THRB: variants seen among roughly 807,000 people sequenced by gnomAD.
THRB encodes thyroid hormone receptor beta.
In THRB, 12 loss-of-function variants were observed where a neutral mutation model predicts 47.8. The observed-to-expected ratio is 0.25, with a 90% CI of 0.16 to 0.41. The LOEUF is 0.41. Ranked by LOEUF, THRB falls within the 10% of genes least tolerant of loss-of-function variation. THRB has a pLI of 1.00. For synonymous variants in THRB, 218 were observed against 212.2 expected (o/e 1.03, Z -0.24); for missense variants, 348 against 589.2 (o/e 0.59, Z 4.24).
At chr3:24,196,430 C>A (rs2043961947) in intron 4 of THRB, among the ~76,000 whole-genome samples, 1 of 152,094 alleles carries the variant, frequency 6.6e-6, no homozygotes, top group Non-Finnish European at 1.5e-5. Flanking sequence ...GTTTTGATGA[C>A]CAAATAGGTT....
At chr3:24,176,580 C>T (rs2041185143) in intron 5 of THRB, among the ~76,000 whole-genome samples, 1 of 152,134 alleles carries the variant, frequency 6.6e-6, no homozygotes, top group African/African-American at 2.4e-5. Context: ...TCCAGTCCTA[C>T]ATTATACTTG....
chr3:24,419,522 T>C (rs2069050061), intron 1 of THRB, among the ~76,000 whole-genome samples: 1 of 151,900 alleles, frequency 6.6e-6, no homozygotes, highest in Non-Finnish European at 1.5e-5. Context: ...TCTTCCCCTT[T>C]TGATTCCTAT....
At chr3:24,478,653 T>C (rs1317891857) in intron 1 of THRB, among the ~76,000 whole-genome samples, 1 of 151,928 alleles carries the variant, frequency 6.6e-6, no homozygotes, top group African/African-American at 2.4e-5. Context: ...AGGACAATGA[T>C]TCGTAATTTC....
At chr3:24,269,999 A>G (rs1644743283) in intron 3 of THRB, among the ~76,000 whole-genome samples, 1 of 152,144 alleles carries the variant, frequency 6.6e-6, no homozygotes, top group Non-Finnish European at 1.5e-5. Context: ...TCAAAAATTA[A>G]ACTATGCTAT....
intron 3 of THRB, among the ~76,000 whole-genome samples, chr3:24,276,041 C>CTT (rs1272650929): frequency 0.019 from 2,753 of 143,778 alleles, 83 homozygotes; most frequent in African/African-American, 0.066. Context: ...CAGTCTTCTA[C>CTT]TTTTTTTTTT....
chr3:24,209,781 AACTGC>A (rs2045821988), intron 4 of THRB, among the ~76,000 whole-genome samples: 2 of 152,298 alleles, frequency 1.3e-5, no homozygotes, highest in South Asian at 4.2e-4. Context: ...AAAATTAACA[AACTGC>A]ACATTGTGCA....
chr3:24,317,354 T>C (rs1007104204), intron 2 of THRB, among the ~76,000 whole-genome samples: 3 of 152,092 alleles, frequency 2.0e-5, no homozygotes, highest in African/African-American at 7.2e-5. Context: ...GAGTGTTTGT[T>C]AAATATAATG....
At chr3:24,300,049 T>C (rs973524309) in intron 2 of THRB, among the ~76,000 whole-genome samples, 3 of 152,018 alleles carry the variant, frequency 2.0e-5, no homozygotes, top group Admixed American at 1.3e-4. Context: ...TCTAGATCTG[T>C]CCAGCCAACA....
intron 5 of THRB, among the ~76,000 whole-genome samples, chr3:24,188,265 A>T (rs2042849683): frequency 3.3e-5 from 5 of 152,234 alleles, no homozygotes; most frequent in Non-Finnish European, 7.3e-5. Flanking sequence ...TAATAATGAC[A>T]GTTGCTATTC....
chr3:24,470,205 C>T (rs561703415), intron 1 of THRB, among the ~76,000 whole-genome samples: 19 of 152,264 alleles, frequency 1.2e-4, no homozygotes, highest in African/African-American at 4.1e-4. Flanking sequence ...AGGCACATTA[C>T]GAATACTCTC....
rs147785399 is a variant in THRB, at chr3:24,218,678, C to A, written c.22+10260G>T. On this transcript the variant is annotated intron_variant, in intron 4 of 10. Transcript: ENST00000646209. Reference sequence around the variant, plus strand: ...GTATGTTGTGCCCCAGTGCTCCAGACTCTATGTTAAGTGATTTATATAAAT... The same window carrying A: ...GTATGTTGTGCCCCAGTGCTCCAGAATCTATGTTAAGTGATTTATATAAAT... 2.2e-4 allele frequency among the ~76,000 whole-genome samples: 34 copies of A among 152,184 alleles called. No homozygotes were observed. The East Asian group carries it at 6.4e-3, about 29-fold the overall frequency.
chr3:24,432,677 A>T (rs1441642061), intron 1 of THRB, among the ~76,000 whole-genome samples: 1 of 152,200 alleles, frequency 6.6e-6, no homozygotes, highest in East Asian at 1.9e-4. Context: ...TGTGATAGCT[A>T]ACTTCAGAAA....
At chr3:24,375,432 TATA>T (rs1050946865) in intron 1 of THRB, among the ~76,000 whole-genome samples, 4 of 144,288 alleles carry the variant, frequency 2.8e-5, no homozygotes, top group East Asian at 2.0e-4. Context: ...TAGTTAGACA[TATA>T]ATATTAATAT....
At chr3:24,151,378 G>A (rs974606553) in intron 6 of THRB, among the ~76,000 whole-genome samples, 2 of 152,200 alleles carry the variant, frequency 1.3e-5, no homozygotes, top group Non-Finnish European at 2.9e-5. Context: ...GGCAGTTGGA[G>A]AAGCGGAAGA....
chr3:24,410,598 A>G (rs977688456), intron 1 of THRB, among the ~76,000 whole-genome samples: 56 of 151,924 alleles, frequency 3.7e-4, no homozygotes, highest in African/African-American at 1.2e-4. Flanking sequence ...TCCCATTTCA[A>G]TGAAGAAAAT....
At chr3:24,237,133 C>T (rs925118042) in intron 3 of THRB, among the ~76,000 whole-genome samples, 1 of 152,158 alleles carries the variant, frequency 6.6e-6, no homozygotes, top group Non-Finnish European at 1.5e-5. Flanking sequence ...CTAGTGAAAG[C>T]TCTGTCTGTA....
rs1698798214 is a variant in THRB, at chr3:24,494,815, C to G, written c.-424G>C. The G allele has an allele frequency of 6.6e-6, 1 of 152,132 alleles. No homozygotes were observed. The highest frequency in any genetic ancestry group is 6.6e-5 in the Admixed American group (1 of 15,264). The allele number at this position is 152,132 out of a possible 1,614,324, so 9.4% of individuals were successfully genotyped here. On this transcript the variant is annotated 5_prime_UTR_variant, in exon 1 of 11. Coordinates refer to ENST00000646209, the MANE Select transcript of THRB (RefSeq NM_001354712.2). ...CTCACATTATTCATGCAAAGTTAATCCCCGCCGCGTCACGGCCGCCCGCCC... is the reference window on the plus strand; with the variant it reads ...CTCACATTATTCATGCAAAGTTAATGCCCGCCGCGTCACGGCCGCCCGCCC...
intron 4 of THRB, among the ~76,000 whole-genome samples, chr3:24,207,521 A>C (rs1025747126): frequency 1.3e-5 from 2 of 152,212 alleles, no homozygotes; most frequent in Non-Finnish European, 2.9e-5. Flanking sequence ...TCAGACATCC[A>C]GGTGGGGGCG....
intron 3 of THRB, among the ~76,000 whole-genome samples, chr3:24,295,581 T>A (rs2056376605): frequency 6.6e-6 from 1 of 152,346 alleles, no homozygotes; most frequent in Non-Finnish European, 1.5e-5. Context: ...TGCTTGCAAA[T>A]TTTATTTCAG....
Sources: allele counts gnomAD v4.1 joint callset (sites outside exome capture counted in the v4.1 genomes callset), GRCh38; gene constraint gnomAD v4.1.1; transcripts MANE v1.5; gene names NCBI Gene and HGNC (gene_info 2026-07-23, HGNC 2026-07-21).